LDLRAD4: variants seen among roughly 807,000 people sequenced by gnomAD.
LDLRAD4 encodes low density lipoprotein receptor class A domain containing 4.
Under a neutral mutation model 17.0 loss-of-function variants are expected in LDLRAD4, and 5 were observed. The observed-to-expected ratio is 0.29, with a 90% CI of 0.15 to 0.62. The LOEUF (loss-of-function observed/expected upper bound fraction) is 0.62. Among genes scored for constraint, LDLRAD4 ranks in the 20% least tolerant of loss-of-function variants. LDLRAD4 has a pLI of 0.84. For missense variants in LDLRAD4, 340 were observed against 424.7 expected (o/e 0.80, Z 1.75); for synonymous variants, 168 against 171.8 (o/e 0.98, Z 0.17).
At chr18:13,544,975 A>G (rs552735074) in intron 3 of LDLRAD4, among the ~76,000 whole-genome samples, 1 of 146,958 alleles carries the variant, frequency 6.8e-6, no homozygotes, top group African/African-American at 2.5e-5. Flanking sequence ...TGAAAGTATT[A>G]TTAGAGAAAA....
At chr18:13,525,717 T>C (rs937920729) in intron 3 of LDLRAD4, among the ~76,000 whole-genome samples, 2 of 152,240 alleles carry the variant, frequency 1.3e-5, no homozygotes, top group African/African-American at 4.8e-5. Context: ...AACTCCCGCT[T>C]GCCTGCGCCT....
intron 3 of LDLRAD4, among the ~76,000 whole-genome samples, chr18:13,583,192 G>A (rs1469987194): frequency 6.6e-6 from 1 of 152,092 alleles, no homozygotes; most frequent in Non-Finnish European, 1.5e-5. Context: ...AGAAGCTTTT[G>A]TAATATTAGT....
intron 3 of LDLRAD4, among the ~76,000 whole-genome samples, chr18:13,574,707 G>A (rs2094743374): frequency 6.6e-6 from 1 of 152,160 alleles, no homozygotes; most frequent in South Asian, 2.1e-4. Flanking sequence ...ATTTAGGAGT[G>A]GTGCCCCACT....
chr18:13,373,155 A>ATG (rs35632499), intron 1 of LDLRAD4, among the ~76,000 whole-genome samples: 96,146 of 149,440 alleles, frequency 0.64, 30,996 homozygotes, highest in East Asian at 0.81. Flanking sequence ...CAACTGTTTA[A>ATG]TGTGTGTGTG....
chr18:13,569,128 G>A (rs1601449160), intron 3 of LDLRAD4, among the ~76,000 whole-genome samples: 1 of 152,214 alleles, frequency 6.6e-6, no homozygotes, highest in Non-Finnish European at 1.5e-5. Flanking sequence ...ATACTGAGAT[G>A]CTTGTTTTAG....
At chr18:13,496,024 G>A (rs9956234) in intron 3 of LDLRAD4, among the ~76,000 whole-genome samples, 10,813 of 152,104 alleles carry the variant, frequency 0.071, 428 homozygotes, top group East Asian at 0.16. Context: ...CCCACCACCC[G>A]CCTGGCCTCC....
chr18:13,467,664 C>G (rs2092659893), intron 3 of LDLRAD4, among the ~76,000 whole-genome samples: 2 of 152,170 alleles, frequency 1.3e-5, no homozygotes, highest in Admixed American at 1.3e-4. Context: ...TATAGAATTT[C>G]AAGGCACACC....
intron 1 of LDLRAD4, among the ~76,000 whole-genome samples, chr18:13,383,838 G>A (rs1184478185): frequency 6.6e-6 from 1 of 152,174 alleles, no homozygotes; most frequent in African/African-American, 2.4e-5. Context: ...TGAGCAGAAC[G>A]AAGCTTGCAC....
intron 3 of LDLRAD4, among the ~76,000 whole-genome samples, chr18:13,535,019 G>C (rs550488284): frequency 1.3e-3 from 196 of 152,244 alleles, no homozygotes; most frequent in Non-Finnish European, 2.4e-3. Context: ...TCATTCTGTT[G>C]TACTGCTGAG....
intron 1 of LDLRAD4, among the ~76,000 whole-genome samples, chr18:13,261,449 G>A (rs1186093747): frequency 2.6e-5 from 4 of 152,168 alleles, no homozygotes; most frequent in Admixed American, 6.5e-5. Flanking sequence ...GGGACAGAGC[G>A]ATTTCAGCAA....
At chr18:13,537,878 T>A (rs1426143051) in intron 3 of LDLRAD4, among the ~76,000 whole-genome samples, 1 of 152,226 alleles carries the variant, frequency 6.6e-6, no homozygotes, top group African/African-American at 2.4e-5. Context: ...CTCTTCAGTT[T>A]TTCTGTTCTT....
intron 3 of LDLRAD4, among the ~76,000 whole-genome samples, chr18:13,604,337 C>T (rs936222928): frequency 9.2e-5 from 14 of 152,216 alleles, no homozygotes; most frequent in Admixed American, 1.3e-4. Context: ...AGGCCTGCTG[C>T]CCTAACAGCT....
At chr18:13,413,207 G>A (rs1043800232) in intron 2 of LDLRAD4, among the ~76,000 whole-genome samples, 3 of 152,184 alleles carry the variant, frequency 2.0e-5, no homozygotes, top group Non-Finnish European at 2.9e-5. Context: ...TTGTATCTGC[G>A]TTTTCTGTTG....
chr18:13,595,814 T>C (rs753312154), intron 3 of LDLRAD4, among the ~76,000 whole-genome samples: 26 of 152,234 alleles, frequency 1.7e-4, no homozygotes, highest in Non-Finnish European at 3.1e-4. Context: ...TGGCATATGG[T>C]CTATCCTTCA....
At chr18:13,639,408 T>C (rs1422071194) in intron 4 of LDLRAD4, among the ~76,000 whole-genome samples, 3 of 152,178 alleles carry the variant, frequency 2.0e-5, no homozygotes, top group Non-Finnish European at 4.4e-5. Context: ...CACACCCTCG[T>C]TTGACAGAGA....
chr18:13,583,777 C>A (rs988733810), intron 3 of LDLRAD4, among the ~76,000 whole-genome samples: 1 of 152,028 alleles, frequency 6.6e-6, no homozygotes, highest in Non-Finnish European at 1.5e-5. Context: ...CGCTGCGGCT[C>A]CCCACTGCTG....
chr18:13,636,483 T>G (rs1601847352), intron 4 of LDLRAD4, among the ~76,000 whole-genome samples: 1 of 139,040 alleles, frequency 7.2e-6, no homozygotes, highest in South Asian at 2.4e-4. Context: ...TGTTATAAAG[T>G]TGTTTTTGTT....
intron 2 of LDLRAD4, among the ~76,000 whole-genome samples, chr18:13,408,395 T>C (rs1030563977): frequency 7.7e-6 from 1 of 130,262 alleles, no homozygotes; most frequent in Non-Finnish European, 1.7e-5. Context: ...AAAAAAAAGG[T>C]GAGAGAGATA....
upstream of LDLRAD4, among the ~76,000 whole-genome samples, chr18:13,277,921 T>C (rs577494927): frequency 2.0e-5 from 3 of 152,358 alleles, no homozygotes; most frequent in African/African-American, 7.2e-5. Context: ...AATTCTGTGC[T>C]GTAATTCTTC....
Sources: allele counts gnomAD v4.1 joint callset (sites outside exome capture counted in the v4.1 genomes callset), GRCh38; gene constraint gnomAD v4.1.1; transcripts MANE v1.5; gene names NCBI Gene and HGNC (gene_info 2026-07-23, HGNC 2026-07-21).